The following CDC16 variants were observed in gnomAD, a reference collection of about 807,000 sequenced individuals.
CDC16 encodes cell division cycle protein 16 homolog.
CDC16 carries 34 observed loss-of-function variants against 87.0 expected under a neutral mutation model. That is an observed-to-expected ratio of 0.39 (90% CI 0.30 to 0.52). The LOEUF is 0.52. CDC16 is among the 20% of genes least tolerant of loss of function. The pLI is 0.74. For missense variants in CDC16, 653 were observed against 751.9 expected (o/e 0.87, Z 1.54); for synonymous variants, 263 against 260.6 (o/e 1.01, Z -0.09).
chr13:114,257,670 G>C (rs1196122075), intron 13 of CDC16, among the ~76,000 whole-genome samples: 1 of 152,130 alleles, frequency 6.6e-6, no homozygotes, highest in Non-Finnish European at 1.5e-5. Context: ...CTGTACTCTA[G>C]AATATTTGTA....
At chr13:114,267,933 C>T (rs1024669859) in intron 17 of CDC16, among the ~76,000 whole-genome samples, 2 of 152,180 alleles carry the variant, frequency 1.3e-5, no homozygotes, top group Non-Finnish European at 2.9e-5. Context: ...CCTCAGTTAC[C>T]AAGGAGCAAT....
intron 7 of CDC16, 70 bp from the exon 8 acceptor site, chr13:114,243,786 C>G: frequency 7.4e-7 from 1 of 1,350,194 alleles, no homozygotes; most frequent in South Asian, 1.3e-5. Context: ...TTGGGCCAAA[C>G]ACAAATTGAA....
chr13:114,263,298 G>C (rs17338270), intron 16 of CDC16, among the ~76,000 whole-genome samples: 6,048 of 152,258 alleles, frequency 0.04, 409 homozygotes, highest in African/African-American at 0.14. Context: ...TCTGTCCACA[G>C]TAGCCCCTTT....
At chr13:114,266,787 C>T (rs1207213197) in intron 17 of CDC16, among the ~76,000 whole-genome samples, 2 of 152,056 alleles carry the variant, frequency 1.3e-5, no homozygotes, top group African/African-American at 2.4e-5. Flanking sequence ...TCCCCCTCAC[C>T]GGGGTTCATG....
intron 3 of CDC16, among the ~76,000 whole-genome samples, chr13:114,238,329 G>A (rs1254531003): frequency 4.1e-5 from 6 of 147,828 alleles, no homozygotes; most frequent in Non-Finnish European, 7.4e-5. Context: ...AGGGCCTGAA[G>A]TGGAGCTGCT....
chr13:114,270,769 G>A (rs761496980), intron 17 of CDC16, among the ~76,000 whole-genome samples: 28 of 152,140 alleles, frequency 1.8e-4, no homozygotes, highest in Non-Finnish European at 3.1e-4. Context: ...TCTGCCCCTC[G>A]GCAGCCCTGT....
intron 17 of CDC16, among the ~76,000 whole-genome samples, chr13:114,268,023 G>C (rs1040570232): frequency 1.3e-5 from 2 of 152,176 alleles, no homozygotes; most frequent in African/African-American, 2.4e-5. Flanking sequence ...GTGGTGGTCA[G>C]GCTTCCACAC....
intron 5 of CDC16, among the ~76,000 whole-genome samples, chr13:114,240,445 G>A (rs1340758860): frequency 1.3e-5 from 2 of 152,102 alleles, no homozygotes; most frequent in Non-Finnish European, 2.9e-5. Flanking sequence ...TCCTGACCTC[G>A]TGGTTTGCCC....
chr13:114,242,945 G>A (rs1370648271), intron 6 of CDC16, among the ~76,000 whole-genome samples: 1 of 152,180 alleles, frequency 6.6e-6, no homozygotes, highest in African/African-American at 2.4e-5. Flanking sequence ...AGCACCTGCA[G>A]TACACAGGCT....
intron 17 of CDC16, among the ~76,000 whole-genome samples, chr13:114,271,785 A>G (rs925207076): frequency 6.6e-6 from 1 of 152,092 alleles, no homozygotes; most frequent in African/African-American, 2.4e-5. Flanking sequence ...CTGGCCACAC[A>G]GTGCAGTTCT....
At chr13:114,240,489 G>A (rs1186834558) in intron 5 of CDC16, among the ~76,000 whole-genome samples, 3 of 152,122 alleles carry the variant, frequency 2.0e-5, no homozygotes, top group African/African-American at 7.2e-5. Context: ...GATTACAGGT[G>A]TGAGCCACTG....
intron 4 of CDC16, 129 bp downstream of exon 4, chr13:114,239,157 C>T (rs1876004672): frequency 4.9e-6 from 7 of 1,441,454 alleles, no homozygotes; most frequent in South Asian, 4.0e-5. Context: ...GGAAGTGTTC[C>T]TTTCCTTAGT....
At chr13:114,255,104 G>C (rs2082416032) in intron 12 of CDC16, among the ~76,000 whole-genome samples, 1 of 152,178 alleles carries the variant, frequency 6.6e-6, no homozygotes, top group Non-Finnish European at 1.5e-5. Context: ...ATGTGGATTT[G>C]AATTCCTATG....
At chr13:114,264,939 G>A in intron 16 of CDC16, 2 of 469,946 alleles carry the variant, frequency 4.3e-6, no homozygotes, top group South Asian at 2.4e-5. Context: ...TCTTTTTTGG[G>A]GTAGATTTCC....
chr13:114,252,370 C>T (rs1367122400), intron 12 of CDC16, among the ~76,000 whole-genome samples: 1 of 152,200 alleles, frequency 6.6e-6, no homozygotes, highest in Non-Finnish European at 1.5e-5. Context: ...GCCCTATCTT[C>T]AAGTACAGGC....
intron 12 of CDC16, among the ~76,000 whole-genome samples, chr13:114,252,970 C>CA (rs889064038): frequency 1.8e-4 from 27 of 149,532 alleles, no homozygotes; most frequent in Admixed American, 3.3e-4. Context: ...CTTATCTTTA[C>CA]AAAAAAAAAA....
At chr13:114,256,754 G>GACC in intron 12 of CDC16, among the ~76,000 whole-genome samples, 1 of 152,198 alleles carries the variant, frequency 6.6e-6, no homozygotes, top group African/African-American at 2.4e-5. Flanking sequence ...GACCAGTGTC[G>GACC]GCTGGGGCAT....
At chr13:114,244,149 A>G (rs1193322320) in intron 8 of CDC16, among the ~76,000 whole-genome samples, 160 bp downstream of exon 8, 1 of 152,236 alleles carries the variant, frequency 6.6e-6, no homozygotes, top group Non-Finnish European at 1.5e-5. Context: ...TTAAAAGAGC[A>G]ATTTACAGAC....
chr13:114,270,912 ACC>A (rs1461404092), intron 17 of CDC16, among the ~76,000 whole-genome samples: 3 of 129,044 alleles, frequency 2.3e-5, no homozygotes, highest in Non-Finnish European at 4.9e-5. Flanking sequence ...GAAGAGATTT[ACC>A]TTTTTTTTTT....
Sources: gnomAD v4.1 joint callset for allele counts (sites outside exome capture counted in the v4.1 genomes callset) on GRCh38, gnomAD v4.1.1 for gene constraint, MANE v1.5 for transcripts, NCBI Gene and HGNC (gene_info 2026-07-23, HGNC 2026-07-21) for gene names.